The following LINGO2 variants were observed in gnomAD, a reference collection of about 807,000 sequenced individuals.
LINGO2 encodes the protein leucine-rich repeat and immunoglobulin-like domain-containing nogo receptor-interacting protein 2.
LINGO2 carries 14 observed loss-of-function variants against 30.6 expected under a neutral mutation model. The ratio of observed to expected loss-of-function variants is 0.46; its 90% CI spans 0.30 to 0.72. LINGO2 has a LOEUF of 0.72. Among genes scored for constraint, LINGO2 ranks in the 30% least tolerant of loss-of-function variants. The probability of loss-of-function intolerance (pLI) is 0.07; values close to 1 mark genes in which losing one functional copy is unlikely to be tolerated. For missense variants in LINGO2, 729 were observed against 751.7 expected (o/e 0.97, Z 0.35); for synonymous variants, 317 against 288.5 (o/e 1.10, Z -1.00).
chr9:28,508,254 A>G (rs765012941), intron 1 of LINGO2, among the ~76,000 whole-genome samples: 1 of 152,258 alleles, frequency 6.6e-6, no homozygotes, highest in East Asian at 1.9e-4. Flanking sequence ...ATGCCAGAAG[A>G]TTACAGCTTT....
chr9:28,512,620 T>C (rs78670451), intron 1 of LINGO2, among the ~76,000 whole-genome samples: 2 of 37,166 alleles, frequency 5.4e-5, no homozygotes, highest in African/African-American at 2.0e-4. Context: ...TATATATATA[T>C]ATATATATAT....
the LINGO2 span, among the ~76,000 whole-genome samples, chr9:29,144,044 G>C: frequency 6.6e-6 from 1 of 152,122 alleles, no homozygotes; most frequent in African/African-American, 2.4e-5. Context: ...CCCATTGCTT[G>C]TTTTGGTCAG....
At chr9:28,481,204 T>C (rs1825950792) in intron 1 of LINGO2, among the ~76,000 whole-genome samples, 1 of 152,158 alleles carries the variant, frequency 6.6e-6, no homozygotes, top group Admixed American at 6.6e-5. Context: ...GTATTGCAAA[T>C]AGTTAAGATC....
the LINGO2 span, among the ~76,000 whole-genome samples, chr9:28,797,359 T>TATATATAGAGAGAG: frequency 1.3e-3 from 45 of 34,204 alleles, no homozygotes; most frequent in Non-Finnish European, 1.9e-3. Flanking sequence ...TATATATATA[T>TATATATAGAGAGAG]AGAGAGAGAG....
intron 4 of LINGO2, among the ~76,000 whole-genome samples, chr9:28,075,529 T>C (rs1378050780): frequency 6.6e-6 from 1 of 152,006 alleles, no homozygotes; most frequent in Non-Finnish European, 1.5e-5. Context: ...ACCAGATATG[T>C]ATGCATGTTC....
At chr9:28,972,800 GCAGAGGAAC>G in the LINGO2 span, among the ~76,000 whole-genome samples, 2 of 152,230 alleles carry the variant, frequency 1.3e-5, no homozygotes, top group East Asian at 3.9e-4. Context: ...GAAAGCACGT[GCAGAGGAAC>G]CACTCTTTCT....
the LINGO2 span, among the ~76,000 whole-genome samples, chr9:28,683,188 C>G: frequency 2.0e-5 from 3 of 151,906 alleles, no homozygotes; most frequent in Admixed American, 1.3e-4. Flanking sequence ...GTGCCCATAC[C>G]CTATTGTATT....
intron 4 of LINGO2, among the ~76,000 whole-genome samples, chr9:28,158,261 G>T (rs944160938): frequency 1.3e-5 from 2 of 152,064 alleles, no homozygotes; most frequent in African/African-American, 4.8e-5. Context: ...AGACTTATTC[G>T]CTGTCACGAG....
the LINGO2 span, among the ~76,000 whole-genome samples, chr9:28,727,050 C>T: frequency 6.6e-6 from 1 of 152,114 alleles, no homozygotes; most frequent in African/African-American, 2.4e-5. Flanking sequence ...AACTCTGTTT[C>T]CTGCTAGACC....
chr9:28,026,929 T>G (rs1324220084), intron 4 of LINGO2, among the ~76,000 whole-genome samples: 3 of 152,190 alleles, frequency 2.0e-5, no homozygotes, highest in Admixed American at 2.0e-4. Context: ...AGATCTCCTG[T>G]GTGTGTTGCT....
chr9:29,062,787 TC>T, the LINGO2 span, among the ~76,000 whole-genome samples: 1 of 152,170 alleles, frequency 6.6e-6, no homozygotes, highest in Admixed American at 6.5e-5. Context: ...AAGTACCTTA[TC>T]AAGATTATAA....
chr9:28,934,335 T>A, the LINGO2 span, among the ~76,000 whole-genome samples: 428 of 152,334 alleles, frequency 2.8e-3, 3 homozygotes, highest in African/African-American at 9.9e-3. Flanking sequence ...GATGAGCTAA[T>A]GAGTCTCTTA....
chr9:28,429,967 G>T (rs1432641284), intron 2 of LINGO2, among the ~76,000 whole-genome samples: 1 of 152,178 alleles, frequency 6.6e-6, no homozygotes, highest in Non-Finnish European at 1.5e-5. Flanking sequence ...CTATGAAGAT[G>T]AATTAGTTAT....
chr9:28,117,918 G>A lies in LINGO2; in HGVS notation c.-86-105513C>T, dbSNP rs1418512993. 1.2e-3 allele frequency among the ~76,000 whole-genome samples: 178 copies of A among 152,348 alleles called. 1 individual carries two copies. The highest frequency in any genetic ancestry group is 1.9e-4 in the Non-Finnish European group (13 of 68,032). ...AGGCTTAATAGCACAAGACATGGGG[G>A]CAGCAAGAATAAAGGCATGAAGTGT... On this transcript the variant is annotated intron_variant, in intron 4 of 5. Coordinates refer to ENST00000379992, the Ensembl canonical transcript of LINGO2.
At chr9:28,067,291 A>C (rs1271522597) in intron 4 of LINGO2, among the ~76,000 whole-genome samples, 1 of 152,196 alleles carries the variant, frequency 6.6e-6, no homozygotes, top group Middle Eastern at 3.2e-3. Flanking sequence ...TGTACATTGA[A>C]AATAGTTGCC....
the LINGO2 span, among the ~76,000 whole-genome samples, chr9:28,800,246 T>C: frequency 2.0e-5 from 3 of 152,108 alleles, no homozygotes; most frequent in Non-Finnish European, 4.4e-5. Flanking sequence ...AGCATTTCCA[T>C]GTAAAAATGT....
the LINGO2 span, among the ~76,000 whole-genome samples, chr9:28,855,650 GACATACACACACAC>G: frequency 4.6e-5 from 7 of 151,740 alleles, no homozygotes; most frequent in African/African-American, 1.4e-4. Context: ...AGGTGCCCCA[GACATACACACACAC>G]ACATACACAC....
the LINGO2 span, among the ~76,000 whole-genome samples, chr9:28,804,835 A>G: frequency 6.6e-6 from 1 of 152,134 alleles, no homozygotes; most frequent in African/African-American, 2.4e-5. Context: ...CAGAAATTAC[A>G]GTAACATTAT....
In LINGO2 at chr9:28,418,275, C is replaced by CTTTTT. The variant is rs3064826; in HGVS notation, c.-278-45412_-278-45408dup. ...TACTTATGTAATGTTAGGCCATGTA[C>CTTTTT]TTTTTTTTTTTTTTTTTTTTTGAGA... On this transcript the variant is annotated intron_variant, in intron 2 of 5. Transcript: ENST00000379992. 1.4e-3 allele frequency among the ~76,000 whole-genome samples: 153 copies of CTTTTT among 106,710 alleles called. 1 individual carries two copies. Among genetic ancestry groups the CTTTTT allele is most frequent in the East Asian group, 4.5e-3 (16 of 3,530 alleles). The allele number at this position is 106,710 out of a possible 152,430, so 70.0% of individuals were successfully genotyped here.
Sources: allele counts gnomAD v4.1 joint callset (sites outside exome capture counted in the v4.1 genomes callset), GRCh38; gene constraint gnomAD v4.1.1; transcripts MANE v1.5; gene names NCBI Gene and HGNC (gene_info 2026-07-23, HGNC 2026-07-21).